The following KLC1 variants were observed in gnomAD, a reference collection of about 807,000 sequenced individuals.
The protein encoded by KLC1 is kinesin 2 60/70kDa.
KLC1 carries 30 observed loss-of-function variants against 84.2 expected under a neutral mutation model. The ratio of observed to expected loss-of-function variants is 0.36; its 90% CI spans 0.27 to 0.48. The LOEUF is 0.48. Among genes scored for constraint, KLC1 ranks in the 20% least tolerant of loss-of-function variants. The probability of loss-of-function intolerance (pLI) is 0.99; values close to 1 mark genes in which losing one functional copy is unlikely to be tolerated. For missense variants in KLC1, 499 were observed against 805.4 expected (o/e 0.62, Z 4.60); for synonymous variants, 289 against 293.3 (o/e 0.99, Z 0.15).
At chr14:103,652,534 C>T (rs1004923445) in intron 1 of KLC1, among the ~76,000 whole-genome samples, 1 of 152,084 alleles carries the variant, frequency 6.6e-6, no homozygotes, top group Non-Finnish European at 1.5e-5. Flanking sequence ...CTCTGTTGCC[C>T]AGGCTGGAGT....
chr14:103,658,330 G>T (rs1168834547), intron 3 of KLC1, among the ~76,000 whole-genome samples: 1 of 151,740 alleles, frequency 6.6e-6, no homozygotes, highest in Non-Finnish European at 1.5e-5. Flanking sequence ...GCACAATCTT[G>T]GCTTACTGCA....
chr14:103,654,251 G>GA (rs929256822), intron 1 of KLC1, among the ~76,000 whole-genome samples: 6 of 152,172 alleles, frequency 3.9e-5, no homozygotes, highest in Admixed American at 3.9e-4. Context: ...AACATTCTGA[G>GA]AAAAAATGTT....
intron 5 of KLC1, among the ~76,000 whole-genome samples, chr14:103,665,765 C>T (rs1403971587): frequency 6.6e-6 from 1 of 152,082 alleles, no homozygotes; most frequent in Non-Finnish European, 1.5e-5. Flanking sequence ...GGATAAATTC[C>T]TAAGACGGGT....
intron 3 of KLC1, 25 bp from the exon 4 acceptor site, chr14:103,662,091 G>A (rs367664470): frequency 1.9e-6 from 3 of 1,546,504 alleles, no homozygotes; most frequent in Non-Finnish European, 2.7e-6. Context: ...GTAAGATGAA[G>A]TGTTGTCCTG....
At chr14:103,695,916 A>G in intron 15 of KLC1, 1 of 985,358 alleles carries the variant, frequency 1.0e-6, no homozygotes, top group Non-Finnish European at 1.2e-6. Context: ...CTTCCACCCA[A>G]TAGAAGTGCG....
intron 7 of KLC1, 45 bp from the exon 8 acceptor site, chr14:103,672,969 T>C: frequency 6.4e-7 from 1 of 1,561,224 alleles, no homozygotes; most frequent in Non-Finnish European, 8.8e-7. Context: ...ATGGATTGGA[T>C]GGAAGCAGAA....
At chr14:103,688,991 T>C (rs1354017341) in intron 14 of KLC1, among the ~76,000 whole-genome samples, 1 of 152,212 alleles carries the variant, frequency 6.6e-6, no homozygotes, top group Non-Finnish European at 1.5e-5. Context: ...TATCTGCCTC[T>C]CGATGAATTT....
chr14:103,657,509 A>G (rs376054472), intron 2 of KLC1, 37 bp from the exon 3 acceptor site: 56 of 1,557,138 alleles, frequency 3.6e-5, no homozygotes, highest in Middle Eastern at 3.4e-4. Context: ...TTGCTGGACA[A>G]CGTGCCACAG....
intron 1 of KLC1, among the ~76,000 whole-genome samples, chr14:103,645,351 C>T (rs1288389366): frequency 1.3e-5 from 2 of 152,192 alleles, no homozygotes; most frequent in Non-Finnish European, 2.9e-5. Flanking sequence ...ACCAGGTCTA[C>T]AAACCAAGTG....
chr14:103,689,031 T>C (rs1042184246), intron 14 of KLC1, among the ~76,000 whole-genome samples: 2 of 151,436 alleles, frequency 1.3e-5, no homozygotes, highest in African/African-American at 2.4e-5. Context: ...TTAAACAGCA[T>C]TGAGAGGGTT....
chr14:103,666,102 C>T (rs776138517), intron 5 of KLC1, among the ~76,000 whole-genome samples: 3 of 151,772 alleles, frequency 2.0e-5, no homozygotes, highest in African/African-American at 7.3e-5. Context: ...GTCTCGCTGT[C>T]ACCCAGGCTG....
At chr14:103,663,752 G>A (rs1335763345) in intron 5 of KLC1, among the ~76,000 whole-genome samples, 1 of 152,130 alleles carries the variant, frequency 6.6e-6, no homozygotes, top group Non-Finnish European at 1.5e-5. Context: ...CAGTGCCTAG[G>A]ATGCAGTTGG....
At chr14:103,649,641 T>G (rs1220790976) in intron 1 of KLC1, among the ~76,000 whole-genome samples, 1 of 150,850 alleles carries the variant, frequency 6.6e-6, no homozygotes, top group Non-Finnish European at 1.5e-5. Flanking sequence ...CTGTAATAGC[T>G]TTGCCTGTTG....
intron 11 of KLC1, 115 bp downstream of exon 11, chr14:103,675,871 C>T: frequency 1.3e-6 from 1 of 784,750 alleles, no homozygotes; most frequent in Non-Finnish European, 2.1e-6. Flanking sequence ...TGCACAGTCC[C>T]ATGTTTTTCC....
At chr14:103,698,530 C>T (rs2082770817) in intron 15 of KLC1, 2 of 522,198 alleles carry the variant, frequency 3.8e-6, no homozygotes, top group Admixed American at 3.2e-5. Context: ...AATCACCTCT[C>T]CCCAAGGGCC....
At chr14:103,695,690 CGAG>C in intron 15 of KLC1, 1 of 985,390 alleles carries the variant, frequency 1.0e-6, no homozygotes, top group Middle Eastern at 5.2e-4. Flanking sequence ...TGGGTGCAGA[CGAG>C]GTTGTGTGGG....
At chr14:103,695,814 G>A (rs2082425151) in intron 15 of KLC1, 1 of 985,248 alleles carries the variant, frequency 1.0e-6, no homozygotes, top group South Asian at 4.7e-5. Context: ...GAAGCCAGGG[G>A]GCCTCCCTGA....
intron 1 of KLC1, among the ~76,000 whole-genome samples, chr14:103,650,448 G>GT (rs1302788522): frequency 1.3e-5 from 2 of 152,192 alleles, no homozygotes. Context: ...CGGCATGAGA[G>GT]TTGGAAGATG....
Position 103,654,792 on chromosome 14 carries a change from G to C in KLC1, c.228G>C (p.Leu76=). 2 of 1,614,206 alleles carry C rather than the reference G, an allele frequency of 1.2e-6. No individual in the cohort carries two copies. Among genetic ancestry groups the C allele is most frequent in the South Asian group, 2.2e-5 (2 of 91,084 alleles). The change falls in exon 2 of 17, where the codon CTG becomes CTC. Residue 76 remains leucine (L), a synonymous_variant. Transcript: ENST00000334553. ...AATCAAACATGATCCGGAAGTCACT[G>C]GAGATGTTGGAGCTCGGCCTGAGTG... ...EEKSNMIRKS[L]EMLELGLSEA...
Sources: allele counts gnomAD v4.1 joint callset (sites outside exome capture counted in the v4.1 genomes callset), GRCh38; gene constraint gnomAD v4.1.1; transcripts MANE v1.5; gene names NCBI Gene and HGNC (gene_info 2026-07-23, HGNC 2026-07-21).